The following TJP3 variants were observed in gnomAD, a reference collection of about 807,000 sequenced individuals.
TJP3 encodes tight junction protein ZO-3.
TJP3 carries 85 observed loss-of-function variants against 104.2 expected under a neutral mutation model. That is an observed-to-expected ratio of 0.82 (90% confidence interval 0.68 to 0.98). TJP3 has a LOEUF of 0.98. TJP3 is among the 50% of genes least tolerant of loss of function. The pLI is 0.00. For synonymous variants in TJP3, 550 were observed against 550.6 expected (o/e 1.00, Z 0.02); for missense variants, 1,367 against 1,322.8 (o/e 1.03, Z -0.52).
At chr19:3,735,718 G>A in intron 9 of TJP3, 79 bp downstream of exon 9, 3 of 1,601,336 alleles carry the variant, frequency 1.9e-6, no homozygotes, top group Non-Finnish European at 2.6e-6. Flanking sequence ...AGAGCTGGGG[G>A]AGGTTGGCCT....
rs3746122 is a variant in TJP3, at chr19:3,734,177, G to A, written c.878-150G>A. ...GCTGGGATTATAGGCGTGAGCCACC[G>A]TGCCCAGCTCCAGAGCCGAATCTTC... On this transcript the variant is annotated intron_variant, in intron 7 of 20. Transcript: ENST00000541714. 26 of 925,840 alleles carry A rather than the reference G, an allele frequency of 2.8e-5. No homozygotes were observed. The East Asian group carries it at 5.2e-4, about 18-fold the overall frequency. The allele number at this position is 925,840 out of a possible 1,614,324, so 57.4% of individuals were successfully genotyped here. A position where few individuals can be genotyped will look rare whatever the true frequency, so the allele number is the denominator to read the frequency against.
chr19:3,729,555 C>T lies in TJP3; in HGVS notation c.159-473C>T, dbSNP rs145133024. On this transcript the variant is annotated intron_variant, in intron 3 of 20. Transcript: ENST00000541714. ...CAGCACTTTGGGAGGCCGAGGTGGG[C>T]GGATTACCTGAGGTCAGGAGTTCAA... Among the ~76,000 whole-genome samples, 359 of 151,978 alleles carry T rather than the reference C, an allele frequency of 2.4e-3. 1 individual carries two copies. Among genetic ancestry groups the T allele is most frequent in the African/African-American group, 8.2e-3 (338 of 41,438 alleles).
chr19:3,709,413 A>G (rs1403523351), intron 1 of TJP3, among the ~76,000 whole-genome samples: 1 of 151,534 alleles, frequency 6.6e-6, no homozygotes, highest in Non-Finnish European at 1.5e-5. Flanking sequence ...TCTAATCTTT[A>G]CTCCTCCGAG....
At chr19:3,727,430 C>T (rs1196817044) in intron 1 of TJP3, among the ~76,000 whole-genome samples, 1 of 149,304 alleles carries the variant, frequency 6.7e-6, no homozygotes, top group Admixed American at 6.7e-5. Context: ...TTGCAGTGAG[C>T]CAAGATCACG....
At chr19:3,723,260 G>C (rs2036562063) in intron 1 of TJP3, among the ~76,000 whole-genome samples, 5 of 152,162 alleles carry the variant, frequency 3.3e-5, no homozygotes, top group African/African-American at 1.2e-4. Flanking sequence ...CCAGAGGGAA[G>C]GATGTATGAT....
rs1348706212 is a variant in TJP3 at position 3,730,700 on chromosome 19, A to C, written c.607A>C (p.Ser203Arg). ...VKSVLVKRRD[S>R]EEFGVKLGSQ... ...GTCAGTGCTGGTGAAGAGGAGAGAC[A>C]GCGAAGGTCAGAAGAGGCGGGAGGT... is the stretch of plus-strand genomic sequence containing the variant. The change falls in exon 5 of 21, where the codon AGC becomes CGC. Residue 203 changes from serine to arginine, a missense_variant. Physicochemically the swap from Ser to Arg is moderately radical, Grantham distance 110. Coordinates refer to ENST00000541714, the MANE Select transcript of TJP3 (RefSeq NM_001267560.2). This position sits in a 1 kb window ranked among gnomAD's most constrained non-coding sequence, Gnocchi z 7.3. 2 of 1,606,138 alleles carry C rather than the reference A, an allele frequency of 1.2e-6. No homozygotes were observed. Among genetic ancestry groups the C allele is most frequent in the Admixed American group, 3.3e-5 (2 of 59,982 alleles).
chr19:3,731,953 G>C lies in TJP3; in HGVS notation c.632G>C (p.Gly211Ala), dbSNP rs1485913650. The change falls in exon 6 of 21, where the codon GGC (glycine) becomes GCC (alanine). Residue 211 changes from glycine (G) to alanine (A), a missense_variant. By Grantham distance (60) the Gly-to-Ala change is moderately conservative. Coordinates refer to ENST00000541714, the MANE Select transcript of TJP3 (RefSeq NM_001267560.2). ...CTTACAGAGTTTGGCGTCAAGCTGG[G>C]CAGTCAGATCTTCATCAAGCACATT... ...RDSEEFGVKL[G>A]SQIFIKHITD... 6.2e-7 allele frequency: 1 copy of C among 1,613,220 alleles called. No individual in the cohort carries two copies. Among genetic ancestry groups the C allele is most frequent in the Non-Finnish European group, 8.5e-7 (1 of 1,179,600 alleles).
rs185311650 is a variant in TJP3, at chr19:3,714,034, T to C, written c.-10+5473T>C. 4.0e-4 allele frequency among the ~76,000 whole-genome samples: 59 copies of C among 148,318 alleles called. No homozygotes were observed. The South Asian group carries it at 6.9e-3, about 17-fold the overall frequency. On this transcript the variant is annotated intron_variant, in intron 1 of 20. Transcript: ENST00000541714. ...ACCACCACGCCCGGCCTATTATTAT[T>C]ACTATTATTTAATTTCTTTGTTGTT...
intron 3 of TJP3, 46 bp from the exon 4 acceptor site, chr19:3,729,982 T>G: frequency 6.5e-7 from 1 of 1,541,676 alleles, no homozygotes; most frequent in Middle Eastern, 1.7e-4. Context: ...GTTACGAGGG[T>G]CTCCCCTGCA....
chr19:3,739,081 C>G lies in TJP3; in HGVS notation c.1578C>G (p.Arg526=). 1.2e-6 allele frequency: 2 copies of G among 1,603,814 alleles called. No homozygotes were observed. The highest frequency in any genetic ancestry group is 1.7e-6 in the Non-Finnish European group (2 of 1,174,412). Residue 526 remains arginine (R), a synonymous_variant, in exon 13 of 21, where the codon CGC becomes CGG. Transcript: ENST00000541714. ...HARGGHWLAV[R]MGRDLREQER... is the part of the protein sequence containing the mutation. ...GAGGAGGCCACTGGCTGGCGGTGCG[C>G]ATGGGTCGTGACCTGCGGGAGCAAG...
At position 3,746,890 on chromosome 19, in the gene TJP3, G is replaced by T; in HGVS notation, c.2322+14G>T. ...GCGGAAGATCAGGTACTGCCGCGGT[G>T]TGGGTGGGTCGGGCAGGGAGGCCCC... On this transcript the variant is annotated intron_variant, in intron 18 of 20. Coordinates refer to ENST00000541714, the MANE Select transcript of TJP3 (RefSeq NM_001267560.2). The surrounding 1 kb of genome is among the most constrained non-coding windows in gnomAD (Gnocchi z 4.1). 1 of 1,587,216 alleles carries T rather than the reference G, an allele frequency of 6.3e-7. No individual in the cohort carries two copies. Among genetic ancestry groups the T allele is most frequent in the Non-Finnish European group, 8.6e-7 (1 of 1,165,588 alleles).
intron 1 of TJP3, among the ~76,000 whole-genome samples, chr19:3,716,121 G>A (rs2036475023): frequency 1.4e-5 from 2 of 138,622 alleles, no homozygotes; most frequent in African/African-American, 4.9e-5. Flanking sequence ...TGCCCAGGCT[G>A]GAGTGCAGTG....
rs2036985227 is a variant in TJP3 at position 3,750,780 on chromosome 19, C to T, written c.*96C>T. 1 of 1,142,950 alleles carries T rather than the reference C, an allele frequency of 8.7e-7. No homozygotes were observed. Among genetic ancestry groups the T allele is most frequent in the Non-Finnish European group, 1.3e-6 (1 of 783,888 alleles). 70.8% of individuals were successfully genotyped at this position (1,142,950 alleles called of 1,614,324 possible). On this transcript the variant is annotated 3_prime_UTR_variant, in exon 21 of 21. Coordinates refer to ENST00000541714, the MANE Select transcript of TJP3 (RefSeq NM_001267560.2). ...GAACCCACAACCTTACCTCCCTCCG[C>T]CTGGTCTTTAATAAACAGAGTATTT...
In TJP3 at chr19:3,750,611, AGTT is replaced by A; in HGVS notation, c.2688_2690del (p.Lys896_Phe897delinsAsn). The A allele has an allele frequency of 6.2e-7, 1 of 1,608,512 alleles. No homozygotes were observed. Among genetic ancestry groups the A allele is most frequent in the Non-Finnish European group, 8.5e-7 (1 of 1,177,550 alleles). ...TATGAACGGGAAGCCCTGAAGAAAA[AGTT>A]TATGCGAGTACATGATGCGGAGTCC... On this transcript the variant is annotated inframe_deletion, in exon 21 of 21. Transcript: ENST00000541714.
At position 3,724,264 on chromosome 19, in the gene TJP3, T is replaced by C. The variant is rs187191249; in HGVS notation, c.-9-4160T>C. On this transcript the variant is annotated intron_variant, in intron 1 of 20. Transcript: ENST00000541714. ...AGGCTGGAGTGCAGTGGCACAATCT[T>C]GGCTCACTGCAAGCTCCGCCTCCCA... Among the ~76,000 whole-genome samples the C allele has an allele frequency of 2.7e-3, 396 of 148,312 alleles. 1 individual carries two copies. Among genetic ancestry groups the C allele is most frequent in the Non-Finnish European group, 4.3e-3 (285 of 66,756 alleles).
chr19:3,748,021 G>A lies in TJP3; in HGVS notation c.2550G>A (p.Gln850=). 1 of 1,605,384 alleles carries A rather than the reference G, an allele frequency of 6.2e-7. No individual in the cohort carries two copies. The highest frequency in any genetic ancestry group is 8.5e-7 in the Non-Finnish European group (1 of 1,176,424). ...TGGCCCGGTCCTCGGAGCCCGTGCA[G>A]GCAGATGAGTCCCAGAGCCCGAGGG... ...PALARSSEPV[Q]ADESQSPRDR... The change falls in exon 19 of 21, where the codon CAG becomes CAA. Residue 850 remains glutamine (Q), a synonymous_variant. Transcript: ENST00000541714.
chr19:3,737,824 C>T (rs978170993), intron 11 of TJP3, among the ~76,000 whole-genome samples: 10 of 152,198 alleles, frequency 6.6e-5, no homozygotes, highest in African/African-American at 9.6e-5. Flanking sequence ...TTGACATCCA[C>T]GTCATGACCC....
intron 1 of TJP3, among the ~76,000 whole-genome samples, chr19:3,724,541 T>A (rs2036578520): frequency 1.3e-5 from 2 of 151,852 alleles, no homozygotes; most frequent in South Asian, 2.1e-4. Flanking sequence ...TGGGGCCATT[T>A]AAAAATTTTT....
chr19:3,732,092 G>C, intron 6 of TJP3, 54 bp downstream of exon 6: 1 of 1,511,292 alleles, frequency 6.6e-7, no homozygotes, highest in South Asian at 1.2e-5. Flanking sequence ...GGTTGGGGCG[G>C]GCAGTCCCAC....
Sources: allele counts gnomAD v4.1 joint callset (sites outside exome capture counted in the v4.1 genomes callset), GRCh38; gene constraint gnomAD v4.1.1; non-coding constraint Gnocchi (gnomAD v3.1); transcripts MANE v1.5; gene names NCBI Gene and HGNC (gene_info 2026-07-23, HGNC 2026-07-21).